Variants in OR1F1 observed in about 807,000 individuals in gnomAD.
OR1F1 encodes olfactory receptor 1F1.
For synonymous variants in OR1F1, 184 were observed against 156.7 expected (o/e 1.17, Z -1.30); for missense variants, 493 against 376.3 (o/e 1.31, Z -2.57).
chr16:3,202,537 TTTG>T (rs540203025), upstream of OR1F1, among the ~76,000 whole-genome samples: 10 of 152,236 alleles, frequency 6.6e-5, no homozygotes, highest in African/African-American at 2.2e-4. Context: ...TTATGGGTTG[TTTG>T]TTGTTCTTGT....
At chr16:3,204,741 A>C (rs750062107) in exon 1 of OR1F1, 2 of 1,613,344 alleles carry the variant, frequency 1.2e-6, no homozygotes, top group East Asian at 2.2e-5. Flanking sequence ...TGATGGCTCC[A>C]CTCTCATTCT....
chr16:3,201,612 A>G (rs1293513041), upstream of OR1F1, among the ~76,000 whole-genome samples: 7 of 152,252 alleles, frequency 4.6e-5, no homozygotes, highest in Non-Finnish European at 1.0e-4. Flanking sequence ...CTGATGATCC[A>G]GAATGATGAG....
chr16:3,199,071 G>C, the OR1F1 span, among the ~76,000 whole-genome samples: 1 of 140,014 alleles, frequency 7.1e-6, no homozygotes, highest in Non-Finnish European at 1.5e-5. Flanking sequence ...TTGAGCTCAG[G>C]TGTTCCAGAC....
chr16:3,190,477 G>A, the OR1F1 span, among the ~76,000 whole-genome samples: 1 of 152,198 alleles, frequency 6.6e-6, no homozygotes, highest in Non-Finnish European at 1.5e-5. Context: ...GAGGCAGGGA[G>A]GCAGGGCTCA....
At chr16:3,191,384 C>G in the OR1F1 span, 1 of 152,190 alleles carries the variant, frequency 6.6e-6, no homozygotes, top group Non-Finnish European at 1.5e-5. Context: ...GGAACTGAAC[C>G]TGTTGTAGGG....
upstream of OR1F1, among the ~76,000 whole-genome samples, chr16:3,200,203 T>A (rs940313732): frequency 3.3e-5 from 5 of 152,166 alleles, no homozygotes; most frequent in African/African-American, 1.2e-4. Flanking sequence ...AAGCCTGTTC[T>A]GGGTGGTCTT....
chr16:3,200,536 G>A (rs562885314), upstream of OR1F1, among the ~76,000 whole-genome samples: 3 of 152,254 alleles, frequency 2.0e-5, no homozygotes, highest in East Asian at 5.8e-4. Context: ...GGACCCGGGA[G>A]GCAGTGAGCC....
the OR1F1 span, among the ~76,000 whole-genome samples, chr16:3,197,913 AAGAGAGGGAGAAGGAG>A: frequency 6.3e-3 from 13 of 2,052 alleles, no homozygotes; most frequent in Non-Finnish European, 8.2e-3. Flanking sequence ...GAGAAGGAGA[AAGAGAGGGAGAAGGAG>A]GGAGAGGGAG....
downstream of OR1F1, among the ~76,000 whole-genome samples, chr16:3,205,869 G>A (rs1958202782): frequency 6.6e-6 from 1 of 152,138 alleles, no homozygotes. Context: ...TGTAAAACAT[G>A]TGTATTTGAA....
At chr16:3,201,761 G>A (rs1958138114), upstream of OR1F1, among the ~76,000 whole-genome samples, 1 of 152,144 alleles carries the variant, frequency 6.6e-6, no homozygotes, top group Admixed American at 6.6e-5. Context: ...AGCTAAAAGA[G>A]ATGGGGCGGA....
chr16:3,204,706 C>A, exon 1 of OR1F1: 3 of 1,614,162 alleles, frequency 1.9e-6, no homozygotes, highest in Middle Eastern at 1.6e-4. Context: ...GGTTGCCAAC[C>A]TGAATGTCCT....
chr16:3,193,087 C>T, the OR1F1 span, among the ~76,000 whole-genome samples: 3 of 152,066 alleles, frequency 2.0e-5, no homozygotes, highest in Non-Finnish European at 4.4e-5. Context: ...CCACCACACC[C>T]GGCTAATTTT....
the OR1F1 span, among the ~76,000 whole-genome samples, chr16:3,199,012 C>G: frequency 6.7e-6 from 1 of 149,516 alleles, no homozygotes; most frequent in Admixed American, 6.7e-5. Flanking sequence ...AGGATGGTGG[C>G]TCACGCCTAT....
chr16:3,196,348 A>T, the OR1F1 span, among the ~76,000 whole-genome samples: 1 of 152,150 alleles, frequency 6.6e-6, no homozygotes. Flanking sequence ...GACTTAGGAG[A>T]TGCTAATCGG....
In OR1F1 at chr16:3,204,430, T is replaced by G. The variant is rs761713816; in HGVS notation, c.184T>G (p.Phe62Val). Residue 62 changes from phenylalanine (F) to valine (V), a missense_variant, in exon 1 of 1, where the codon TTC becomes GTC. By Grantham distance (50) the Phe-to-Val change is conservative. Coordinates refer to ENST00000304646, the Ensembl canonical transcript of OR1F1. ...CTGCCTGCACACCCCCATGTACTTC[T>G]TCCTCAGCAACCTGTCTTTTGTGGA... The G allele has an allele frequency of 2.1e-5, 34 of 1,614,010 alleles. No homozygotes were observed. In the Admixed American group the frequency reaches 5.2e-4, roughly 25 times the overall value.
chr16:3,203,844 C>T (rs1958165935), upstream of OR1F1, among the ~76,000 whole-genome samples: 1 of 152,204 alleles, frequency 6.6e-6, no homozygotes, highest in Non-Finnish European at 1.5e-5. Flanking sequence ...AGGGACCCTC[C>T]TTCCTTTCAA....
the OR1F1 span, among the ~76,000 whole-genome samples, chr16:3,196,170 G>A: frequency 3.3e-5 from 5 of 152,172 alleles, no homozygotes; most frequent in East Asian, 3.9e-4. Flanking sequence ...TAGCTCAGCC[G>A]GTAGAGCACA....
chr16:3,199,091 C>T, the OR1F1 span, among the ~76,000 whole-genome samples: 2 of 126,684 alleles, frequency 1.6e-5, no homozygotes, highest in East Asian at 4.7e-4. Context: ...CCAGCCTGGG[C>T]CAGAAGGCAA....
the OR1F1 span, among the ~76,000 whole-genome samples, chr16:3,194,520 A>G: frequency 6.6e-6 from 1 of 152,188 alleles, no homozygotes; most frequent in South Asian, 2.1e-4. Context: ...ATCCTGGTTG[A>G]CTTGGATATC....
Sources: allele counts gnomAD v4.1 joint callset (sites outside exome capture counted in the v4.1 genomes callset), GRCh38; gene constraint gnomAD v4.1.1; transcripts MANE v1.5; gene names NCBI Gene and HGNC (gene_info 2026-07-23, HGNC 2026-07-21).